CLOCK: variants seen among roughly 807,000 people sequenced by gnomAD.
CLOCK encodes clock circadian regulator, also known as circadian locomoter output cycles protein kaput.
Under a neutral mutation model 118.4 loss-of-function variants are expected in CLOCK, and 43 were observed. The observed-to-expected ratio is 0.36, with a 90% CI of 0.28 to 0.47. The LOEUF (loss-of-function observed/expected upper bound fraction) is 0.47, where lower values mean the gene tolerates loss of function less well. Ranked by LOEUF, CLOCK falls within the 20% of genes least tolerant of loss-of-function variation. The probability of loss-of-function intolerance (pLI) is 1.00; values close to 1 mark genes in which losing one functional copy is unlikely to be tolerated. For synonymous variants in CLOCK, 326 were observed against 339.2 expected (o/e 0.96, Z 0.43); for missense variants, 846 against 999.9 (o/e 0.85, Z 2.08).
At chr4:55,517,179 T>C (rs953254243) in intron 1 of CLOCK, among the ~76,000 whole-genome samples, 5 of 152,198 alleles carry the variant, frequency 3.3e-5, no homozygotes, top group African/African-American at 1.2e-4. Flanking sequence ...TAACCTGCCA[T>C]GTATCCCTAG....
At chr4:55,498,265 T>A (rs1175954084) in intron 2 of CLOCK, among the ~76,000 whole-genome samples, 5 of 152,202 alleles carry the variant, frequency 3.3e-5, no homozygotes. Context: ...ATCATTTCAC[T>A]GAAAAGACAG....
In CLOCK at chr4:55,444,501, C is replaced by A. The variant is rs900009985; in HGVS notation, c.1692+132G>T. Reference sequence around the variant, plus strand: ...AGTATAATCATACTGAGTAGGTAACCAGTGAATATTTATTGAACTGAATTG... The same window carrying A: ...AGTATAATCATACTGAGTAGGTAACAAGTGAATATTTATTGAACTGAATTG... On this transcript the variant is annotated intron_variant, in intron 19 of 22. Coordinates refer to ENST00000513440, the MANE Select transcript of CLOCK (RefSeq NM_004898.4). 3.9e-6 allele frequency: 4 copies of A among 1,037,476 alleles called. No homozygotes were observed. In the East Asian group the frequency reaches 7.2e-5, roughly 19 times the overall value. 64.3% of individuals were successfully genotyped at this position (1,037,476 alleles called of 1,614,324 possible).
intron 3 of CLOCK, among the ~76,000 whole-genome samples, chr4:55,487,581 T>A (rs1394939434): frequency 2.0e-5 from 3 of 152,138 alleles, no homozygotes; most frequent in Admixed American, 1.3e-4. Flanking sequence ...CTTTATTTTA[T>A]CCTTACTAGG....
intron 22 of CLOCK, among the ~76,000 whole-genome samples, chr4:55,436,394 G>A (rs901052660): frequency 1.3e-5 from 2 of 152,154 alleles, no homozygotes; most frequent in Non-Finnish European, 2.9e-5. Context: ...TCAAATAGAT[G>A]AGCCTCTGTT....
At position 55,443,843 on chromosome 4, in the gene CLOCK, A is replaced by G. The variant is rs2109693572; in HGVS notation, c.1746T>C (p.Ser582=). The G allele has an allele frequency of 6.2e-7, 1 of 1,613,814 alleles. No individual in the cohort carries two copies. Among genetic ancestry groups the G allele is most frequent in the East Asian group, 2.2e-5 (1 of 44,866 alleles). The stretch of plus-strand genomic sequence containing the variant: ...GCTGGATATTAGATGAATTTCCAGA[A>G]GAAAGTTGAACGGAACCAAAATTCA... ...PGLNFGSVQL[S]SGNSSNIQQL... Residue 582 remains serine, a synonymous_variant, in exon 20 of 23, where the codon TCT becomes TCC. Transcript: ENST00000513440.
At chr4:55,498,762 G>C (rs1728250651) in intron 2 of CLOCK, among the ~76,000 whole-genome samples, 1 of 152,144 alleles carries the variant, frequency 6.6e-6, no homozygotes, top group South Asian at 2.1e-4. Context: ...CACGTAAGTA[G>C]GAGTAAATAT....
chr4:55,533,264 G>A (rs1447903536), intron 1 of CLOCK, among the ~76,000 whole-genome samples: 2 of 152,114 alleles, frequency 1.3e-5, no homozygotes, highest in Non-Finnish European at 2.9e-5. Flanking sequence ...GTGTGGTACT[G>A]ACATAAATAC....
At chr4:55,537,492 G>A (rs994629162) in intron 1 of CLOCK, among the ~76,000 whole-genome samples, 5 of 152,160 alleles carry the variant, frequency 3.3e-5, no homozygotes, top group South Asian at 2.1e-4. Context: ...GATGGCACGC[G>A]CCTGTAATCC....
At position 55,432,405 on chromosome 4, in the gene CLOCK, G is replaced by C. The variant is rs1026455209; in HGVS notation, c.*3010C>G. 1.3e-5 allele frequency: 2 copies of C among 149,070 alleles called. No individual in the cohort carries two copies. Among genetic ancestry groups the C allele is most frequent in the African/African-American group, 4.9e-5 (2 of 40,750 alleles). 9.2% of individuals were successfully genotyped at this position (149,070 alleles called of 1,614,324 possible). On this transcript the variant is annotated 3_prime_UTR_variant, in exon 23 of 23. Coordinates refer to ENST00000513440, the MANE Select transcript of CLOCK (RefSeq NM_004898.4). The stretch of plus-strand genomic sequence containing the variant: ...CTAGCATTTTTCCTGAAACTCAGTA[G>C]TTTCTTACCTAAAAAGTACCACCCA...
intron 1 of CLOCK, among the ~76,000 whole-genome samples, chr4:55,531,119 A>C (rs1173996862): frequency 1.3e-5 from 2 of 152,164 alleles, no homozygotes; most frequent in African/African-American, 4.8e-5. Context: ...AAAGTCATCT[A>C]GAATATAAAG....
rs758384802 is a variant in CLOCK, at chr4:55,535,739, C to CTTTT, written c.-290+11039_-290+11042dup. Among the ~76,000 whole-genome samples, 58 of 124,080 alleles carry CTTTT rather than the reference C, an allele frequency of 4.7e-4. 2 individuals are homozygous for CTTTT. The highest frequency in any genetic ancestry group is 9.3e-4 in the African/African-American group (30 of 32,262). 81.4% of individuals were successfully genotyped at this position (124,080 alleles called of 152,430 possible). A position where few individuals can be genotyped will look rare whatever the true frequency, so the allele number is the denominator to read the frequency against. On this transcript the variant is annotated intron_variant, in intron 1 of 22. Coordinates refer to ENST00000513440, the MANE Select transcript of CLOCK (RefSeq NM_004898.4). ...TCTAAAATTCCAGTGATGGGAGAAT[C>CTTTT]TTTTTTTTTTTTTTTTTTTGAGATG...
chr4:55,517,596 G>C (rs995908435), intron 1 of CLOCK, among the ~76,000 whole-genome samples: 1 of 152,120 alleles, frequency 6.6e-6, no homozygotes, highest in African/African-American at 2.4e-5. Context: ...AAAGAATATT[G>C]GTTTTTAATT....
chr4:55,531,229 T>C (rs1489984743), intron 1 of CLOCK, among the ~76,000 whole-genome samples: 10 of 150,932 alleles, frequency 6.6e-5, no homozygotes, highest in East Asian at 5.8e-4. Flanking sequence ...TTTAGACCCA[T>C]AGAAAAAAAA....
chr4:55,515,264 C>A (rs1729431857), intron 1 of CLOCK, among the ~76,000 whole-genome samples: 1 of 151,992 alleles, frequency 6.6e-6, no homozygotes, highest in South Asian at 2.1e-4. Context: ...TTAGCGTATC[C>A]TTTTTCCTTA....
rs1158414294 is a variant in CLOCK, at chr4:55,459,251, C to T, written c.570G>A (p.Gln190=). ...LTPEYLKSKN[Q]LEFCCHMLRG... ...GCAGCATGTGACAACAGAATTCTAA[C>T]TGATTTTTTGCTGAAATAAAAGAGA... is the stretch of plus-strand genomic sequence containing the variant. Residue 190 remains glutamine (Q), a synonymous_variant, in exon 10 of 23, where the codon CAG becomes CAA. Coordinates refer to ENST00000513440, the MANE Select transcript of CLOCK (RefSeq NM_004898.4). The T allele has an allele frequency of 2.5e-6, 4 of 1,604,514 alleles. No homozygotes were observed. The highest frequency in any genetic ancestry group is 3.4e-6 in the Non-Finnish European group (4 of 1,171,674).
chr4:55,481,237 C>T (rs116157650), intron 4 of CLOCK, among the ~76,000 whole-genome samples: 2,324 of 152,212 alleles, frequency 0.015, 20 homozygotes, highest in Non-Finnish European at 0.021. Context: ...GGTGGAGGTG[C>T]ATGTATGAAC....
intron 8 of CLOCK, among the ~76,000 whole-genome samples, chr4:55,467,613 G>A (rs1394350566): frequency 6.6e-6 from 1 of 152,066 alleles, no homozygotes; most frequent in African/African-American, 2.4e-5. Flanking sequence ...AGTTATATAT[G>A]GTTTAAAAGC....
intron 19 of CLOCK, among the ~76,000 whole-genome samples, chr4:55,444,174 C>A (rs1330189947): frequency 6.6e-6 from 1 of 152,136 alleles, no homozygotes; most frequent in Non-Finnish European, 1.5e-5. Flanking sequence ...TTTATAACAT[C>A]ACACAGAAGT....
intron 1 of CLOCK, among the ~76,000 whole-genome samples, chr4:55,532,032 A>G (rs988658712): frequency 6.6e-6 from 1 of 152,194 alleles, no homozygotes; most frequent in Non-Finnish European, 1.5e-5. Flanking sequence ...ACAAAAATCA[A>G]TTAGGGTAAT....
Sources: allele counts gnomAD v4.1 joint callset (sites outside exome capture counted in the v4.1 genomes callset), GRCh38; gene constraint gnomAD v4.1.1; transcripts MANE v1.5; gene names NCBI Gene and HGNC (gene_info 2026-07-23, HGNC 2026-07-21).